LVRN: variants seen among roughly 807,000 people sequenced by gnomAD.
LVRN encodes aminopeptidase Q.
Under a neutral mutation model 111.4 loss-of-function variants are expected in LVRN, and 99 were observed. The observed-to-expected ratio is 0.89, with a 90% CI of 0.76 to 1.05. The LOEUF (loss-of-function observed/expected upper bound fraction) is 1.05. Ranked by LOEUF, LVRN falls within the 50% of genes least tolerant of loss-of-function variation. The probability of loss-of-function intolerance (pLI) is 0.00; values close to 1 mark genes in which losing one functional copy is unlikely to be tolerated. For missense variants in LVRN, 1,414 were observed against 1,206.8 expected, an observed-to-expected ratio of 1.17 and a Z score of -2.54; for synonymous variants, 488 against 449.5, an observed-to-expected ratio of 1.09 and a Z score of -1.08.
At chr5:116,007,360 CAGTT>C (rs1748397374) in intron 13 of LVRN, among the ~76,000 whole-genome samples, 1 of 152,178 alleles carries the variant, frequency 6.6e-6, no homozygotes, top group Non-Finnish European at 1.5e-5. Flanking sequence ...TCCCCTGCCT[CAGTT>C]AGCTTCATCG....
intron 9 of LVRN, 52 bp from the exon 10 acceptor site, chr5:116,001,014 CA>C: frequency 6.5e-7 from 1 of 1,534,870 alleles, no homozygotes; most frequent in Non-Finnish European, 8.7e-7. Flanking sequence ...ATTGCTACTT[CA>C]AAATGTTTCA....
intron 14 of LVRN, 34 bp from the exon 15 acceptor site, chr5:116,012,340 A>G: frequency 8.5e-7 from 1 of 1,183,166 alleles, no homozygotes; most frequent in African/African-American, 1.6e-5. Flanking sequence ...TTTGCAAGCC[A>G]GAACTAACAG....
At chr5:115,996,791 A>T (rs1032195896) in intron 6 of LVRN, among the ~76,000 whole-genome samples, 7 of 152,148 alleles carry the variant, frequency 4.6e-5, no homozygotes, top group African/African-American at 1.7e-4. Flanking sequence ...TGAAGGGAAA[A>T]GGTACATATG....
At chr5:116,003,105 G>A in intron 11 of LVRN, 136 bp from the exon 12 acceptor site, 2 of 939,058 alleles carry the variant, frequency 2.1e-6, no homozygotes, top group Non-Finnish European at 1.6e-6. Flanking sequence ...TACCTGGTAA[G>A]AGCAATATAT....
Position 115,962,755 on chromosome 5 carries a change from G to T in LVRN, c.138G>T (p.Ser46=). 1 of 1,612,086 alleles carries T rather than the reference G, an allele frequency of 6.2e-7. No homozygotes were observed. The highest frequency in any genetic ancestry group is 8.5e-7 in the Non-Finnish European group (1 of 1,179,384). The part of the protein sequence containing the change: ...LYGHCERVPP[S]ELPGLRDLEA... Reference sequence around the variant, plus strand: ...GCCACTGCGAGCGCGTCCCACCGTCGGAGCTGCCTGGACTCAGGGACTTGG... The same window carrying T: ...GCCACTGCGAGCGCGTCCCACCGTCTGAGCTGCCTGGACTCAGGGACTTGG... Residue 46 remains serine (S), a synonymous_variant, in exon 1 of 20, where the codon TCG becomes TCT. Transcript: ENST00000357872.
intron 11 of LVRN, 105 bp from the exon 12 acceptor site, chr5:116,003,136 T>C: frequency 8.9e-7 from 1 of 1,128,618 alleles, no homozygotes; most frequent in South Asian, 1.5e-5. Flanking sequence ...TCCTTTAATT[T>C]TTTGTTTTGT....
intron 1 of LVRN, among the ~76,000 whole-genome samples, chr5:115,982,057 C>A (rs1030739757): frequency 6.6e-6 from 1 of 152,050 alleles, no homozygotes; most frequent in Non-Finnish European, 1.5e-5. Flanking sequence ...GTAGCTGGTG[C>A]CAGAGCCCAC....
At chr5:115,990,188 T>G (rs1406406420) in intron 4 of LVRN, among the ~76,000 whole-genome samples, 1 of 152,218 alleles carries the variant, frequency 6.6e-6, no homozygotes, top group Non-Finnish European at 1.5e-5. Flanking sequence ...TTGGACTGAA[T>G]GTCAAAATAT....
rs143515564 is a variant in LVRN, at chr5:116,007,453, A to G, written c.2093+1486A>G. Among the ~76,000 whole-genome samples the G allele has an allele frequency of 1.9e-4, 29 of 152,224 alleles. No individual in the cohort carries two copies. In the East Asian group the frequency reaches 4.6e-3, roughly 24 times the overall value. ...TTTTCTACCTATTTTAATCCTATGC[A>G]TCCTTCACTGCTCTTCTCAAGTTTC... On this transcript the variant is annotated intron_variant, in intron 13 of 19. Coordinates refer to ENST00000357872, the MANE Select transcript of LVRN (RefSeq NM_173800.5).
chr5:116,019,510 A>G (rs1043390868), intron 18 of LVRN, among the ~76,000 whole-genome samples: 5 of 152,250 alleles, frequency 3.3e-5, no homozygotes, highest in African/African-American at 9.6e-5. Flanking sequence ...ATGCATATTC[A>G]CCATTGTAGC....
chr5:116,002,696 A>G, intron 10 of LVRN, 139 bp from the exon 11 acceptor site: 1 of 592,596 alleles, frequency 1.7e-6, no homozygotes, highest in Non-Finnish European at 2.9e-6. Flanking sequence ...TAATCCTAAG[A>G]GCAAAGGCCT....
intron 6 of LVRN, among the ~76,000 whole-genome samples, chr5:115,997,137 A>G (rs1274707110): frequency 6.6e-6 from 1 of 152,124 alleles, no homozygotes; most frequent in African/African-American, 2.4e-5. Flanking sequence ...CATCATGAAA[A>G]TTAATTTAGT....
intron 1 of LVRN, among the ~76,000 whole-genome samples, chr5:115,964,701 T>A (rs6594916): frequency 6.6e-6 from 1 of 152,078 alleles, no homozygotes; most frequent in Admixed American, 6.5e-5. Flanking sequence ...AGCTTGCAAA[T>A]GTGGGAAAGG....
chr5:115,978,224 A>T (rs1440139364), intron 1 of LVRN, among the ~76,000 whole-genome samples: 1 of 152,186 alleles, frequency 6.6e-6, no homozygotes, highest in Non-Finnish European at 1.5e-5. Flanking sequence ...TAAGTGCCAG[A>T]CACATGATGC....
At chr5:115,973,205 C>G (rs1376818070) in intron 1 of LVRN, among the ~76,000 whole-genome samples, 1 of 152,226 alleles carries the variant, frequency 6.6e-6, no homozygotes, top group Non-Finnish European at 1.5e-5. Context: ...GTTGGAATTA[C>G]AGGCATGAGC....
At chr5:116,010,291 A>G (rs1748457344) in intron 13 of LVRN, among the ~76,000 whole-genome samples, 1 of 152,220 alleles carries the variant, frequency 6.6e-6, no homozygotes, top group Admixed American at 6.5e-5. Flanking sequence ...GACTTGCTTT[A>G]TTATGATATT....
intron 13 of LVRN, among the ~76,000 whole-genome samples, chr5:116,009,824 C>T (rs1748449002): frequency 6.6e-6 from 1 of 152,132 alleles, no homozygotes; most frequent in South Asian, 2.1e-4. Flanking sequence ...GAATCTAATC[C>T]TGGTGAAGAA....
At chr5:115,974,097 C>T (rs952677514) in intron 1 of LVRN, among the ~76,000 whole-genome samples, 7 of 152,100 alleles carry the variant, frequency 4.6e-5, no homozygotes, top group African/African-American at 1.7e-4. Flanking sequence ...TAGCTCAGTC[C>T]ACCATCATAG....
rs141674956 is a variant in LVRN, at chr5:115,962,926, G to T, written c.309G>T (p.Val103=). ...WDQLRLPPWL[V]PLHYDLELWP... ...AGCTACGCCTGCCGCCCTGGCTCGT[G>T]CCGCTGCACTACGATCTGGAGCTGT... Residue 103 remains valine, a synonymous_variant, in exon 1 of 20, where the codon GTG becomes GTT. Transcript: ENST00000357872. The T allele has an allele frequency of 1.2e-6, 2 of 1,612,890 alleles. No individual in the cohort carries two copies. The highest frequency in any genetic ancestry group is 1.7e-6 in the Non-Finnish European group (2 of 1,179,768).
Sources: gnomAD v4.1 joint callset for allele counts (sites outside exome capture counted in the v4.1 genomes callset) on GRCh38, gnomAD v4.1.1 for gene constraint, MANE v1.5 for transcripts, NCBI Gene and HGNC (gene_info 2026-07-23, HGNC 2026-07-21) for gene names.